Variants in IMPG1 observed in about 807,000 individuals in gnomAD.
IMPG1 encodes interphotoreceptor matrix proteoglycan of 150 kDa.
IMPG1 carries 85 observed loss-of-function variants against 92.0 expected under a neutral mutation model. The observed-to-expected ratio is 0.92, with a 90% confidence interval of 0.78 to 1.11. The LOEUF is 1.11. IMPG1 is among the 50% of genes least tolerant of loss of function. IMPG1 has a pLI of 0.00. For missense variants in IMPG1, 1,022 were observed against 956.0 expected, an observed-to-expected ratio of 1.07 and a Z score of -0.91; for synonymous variants, 367 against 334.1, an observed-to-expected ratio of 1.10 and a Z score of -1.08.
chr6:75,924,446 T>C (rs1338540920), intron 15 of IMPG1, among the ~76,000 whole-genome samples: 1 of 109,016 alleles, frequency 9.2e-6, no homozygotes, highest in Non-Finnish European at 1.7e-5. Context: ...AATTATATAA[T>C]ATAACATAAT....
chr6:75,961,402 A>AGAGATAGAAAAT (rs1459342844), intron 12 of IMPG1, among the ~76,000 whole-genome samples: 2 of 152,140 alleles, frequency 1.3e-5, no homozygotes, highest in African/African-American at 4.8e-5. Flanking sequence ...TTAATTATCC[A>AGAGATAGAAAAT]CTCATTCAAC....
At chr6:76,051,182 T>TCTGC (rs1784037480) in intron 1 of IMPG1, among the ~76,000 whole-genome samples, 1 of 152,194 alleles carries the variant, frequency 6.6e-6, no homozygotes, top group South Asian at 2.1e-4. Context: ...CTATGGTGTT[T>TCTGC]CTGCAAATGT....
At chr6:76,065,805 A>G (rs1364408394) in intron 1 of IMPG1, among the ~76,000 whole-genome samples, 1 of 152,266 alleles carries the variant, frequency 6.6e-6, no homozygotes, top group East Asian at 1.9e-4. Flanking sequence ...GTGTGAAGAA[A>G]AAAATCCTAA....
intron 12 of IMPG1, among the ~76,000 whole-genome samples, chr6:75,952,662 T>G (rs1457231661): frequency 6.6e-6 from 1 of 152,168 alleles, no homozygotes. Context: ...AAAACTTGTA[T>G]GTTCGGGCTC....
At chr6:76,037,643 T>A (rs1562379414) in intron 2 of IMPG1, among the ~76,000 whole-genome samples, 2 of 152,354 alleles carry the variant, frequency 1.3e-5, no homozygotes, top group East Asian at 3.9e-4. Flanking sequence ...ATGTCCAGTC[T>A]AAGCAAACCA....
rs9447588 is a variant in IMPG1 at position 76,015,567 on chromosome 6, G to A, written c.807+3151C>T. Among the ~76,000 whole-genome samples, 1,145 of 152,042 alleles carry A rather than the reference G, an allele frequency of 7.5e-3. 11 individuals are homozygous for A. The highest frequency in any genetic ancestry group is 0.025 in the African/African-American group (1,040 of 41,472). ...TGTAATCCCAGCACTTTGGGAGTCC[G>A]AGGAGGGTGGATCACCTGAGGTCAG... is the stretch of plus-strand genomic sequence containing the variant. On this transcript the variant is annotated intron_variant, in intron 7 of 16. Transcript: ENST00000369950.
chr6:76,067,131 C>G (rs1397979869), intron 1 of IMPG1, among the ~76,000 whole-genome samples: 1 of 151,168 alleles, frequency 6.6e-6, no homozygotes, highest in Non-Finnish European at 1.5e-5. Flanking sequence ...CATCAAGGAA[C>G]TAGAAAAACA....
intron 12 of IMPG1, among the ~76,000 whole-genome samples, chr6:75,962,544 A>G (rs1782227337): frequency 6.6e-6 from 1 of 152,208 alleles, no homozygotes; most frequent in Admixed American, 6.5e-5. Flanking sequence ...ACCCAGAGGG[A>G]GAAGGGATCA....
chr6:76,028,259 C>A (rs763227758), intron 4 of IMPG1, among the ~76,000 whole-genome samples: 1 of 152,128 alleles, frequency 6.6e-6, no homozygotes, highest in African/African-American at 2.4e-5. Flanking sequence ...TTGTTTTCAT[C>A]CTTTTCAAAA....
At chr6:76,026,966 C>T (rs768162450) in intron 4 of IMPG1, among the ~76,000 whole-genome samples, 34 of 152,176 alleles carry the variant, frequency 2.2e-4, no homozygotes, top group Non-Finnish European at 4.1e-4. Context: ...TCTTAAATAG[C>T]CCCATTCAGT....
intron 12 of IMPG1, among the ~76,000 whole-genome samples, chr6:75,981,780 A>G (rs923202106): frequency 2.6e-5 from 4 of 152,252 alleles, no homozygotes; most frequent in Admixed American, 2.6e-4. Flanking sequence ...TGTTGAGTGC[A>G]AAGAAGGAAA....
intron 2 of IMPG1, among the ~76,000 whole-genome samples, chr6:76,035,977 AATG>A (rs1385176805): frequency 6.6e-6 from 1 of 152,222 alleles, no homozygotes; most frequent in Non-Finnish European, 1.5e-5. Context: ...CATTAAAAAT[AATG>A]ATGACAGATC....
chr6:76,056,002 G>A (rs556075735), intron 1 of IMPG1, among the ~76,000 whole-genome samples: 4 of 151,890 alleles, frequency 2.6e-5, no homozygotes, highest in African/African-American at 9.6e-5. Flanking sequence ...ATTTTCCTAC[G>A]ACTCTTATAA....
At chr6:76,012,001 A>G (rs1783194010) in intron 7 of IMPG1, among the ~76,000 whole-genome samples, 1 of 151,978 alleles carries the variant, frequency 6.6e-6, no homozygotes, top group African/African-American at 2.4e-5. Flanking sequence ...ATAATATTTT[A>G]GCTATGATAT....
intron 1 of IMPG1, among the ~76,000 whole-genome samples, chr6:76,060,324 C>T (rs1051125120): frequency 5.9e-5 from 9 of 152,294 alleles, no homozygotes; most frequent in South Asian, 4.1e-4. Flanking sequence ...ATTCTTCTTA[C>T]ATTCCCTATG....
intron 12 of IMPG1, among the ~76,000 whole-genome samples, chr6:75,996,567 G>A (rs73466836): frequency 6.6e-6 from 1 of 152,292 alleles, no homozygotes; most frequent in Non-Finnish European, 1.5e-5. Flanking sequence ...CTTGGGAAAG[G>A]AGTTGGGAGC....
chr6:76,059,972 A>C (rs546212500), intron 1 of IMPG1, among the ~76,000 whole-genome samples: 1 of 152,322 alleles, frequency 6.6e-6, no homozygotes, highest in South Asian at 2.1e-4. Flanking sequence ...CAGACAAATT[A>C]GTTCTACATG....
At chr6:76,017,999 T>TA (rs1195417047) in intron 7 of IMPG1, among the ~76,000 whole-genome samples, 3 of 152,150 alleles carry the variant, frequency 2.0e-5, no homozygotes, top group Non-Finnish European at 2.9e-5. Context: ...CGCCTCAGCC[T>TA]CCCAAAGTGC....
At position 75,938,730 on chromosome 6, in the gene IMPG1, T is replaced by C. The variant is rs189195724; in HGVS notation, c.2045-7579A>G. ...TAGGAGGCTGAGACAGGAGAATCAC[T>C]GGAACCCGGGAGGCGGAGATTGCAG... On this transcript the variant is annotated intron_variant, in intron 14 of 16. Transcript: ENST00000369950. Among the ~76,000 whole-genome samples, 638 of 152,222 alleles carry C rather than the reference T, an allele frequency of 4.2e-3. 17 individuals carry two copies. Among genetic ancestry groups the C allele is most frequent in the Admixed American group, 0.039 (591 of 15,284 alleles).
Sources: gnomAD v4.1 joint callset for allele counts (sites outside exome capture counted in the v4.1 genomes callset) on GRCh38, gnomAD v4.1.1 for gene constraint, MANE v1.5 for transcripts, NCBI Gene and HGNC (gene_info 2026-07-23, HGNC 2026-07-21) for gene names.